Variants in PLCG2 observed in about 807,000 individuals in gnomAD.
The protein encoded by PLCG2 is 1-phosphatidylinositol 4,5-bisphosphate phosphodiesterase gamma-2.
A neutral mutation model predicts 175.6 loss-of-function variants in PLCG2; 69 were observed. The observed-to-expected ratio is 0.39, with a 90% CI of 0.32 to 0.48. PLCG2 has a LOEUF of 0.48. Among genes scored for constraint, PLCG2 ranks in the 20% least tolerant of loss-of-function variants. The pLI is 0.91. For missense variants in PLCG2, 1,798 were observed against 1,650.9 expected, an observed-to-expected ratio of 1.09 and a Z score of -1.54; for synonymous variants, 827 against 624.0, an observed-to-expected ratio of 1.33 and a Z score of -4.85.
intron 2 of PLCG2, among the ~76,000 whole-genome samples, chr16:81,772,752 T>TGA (rs528704707): frequency 1.3e-5 from 2 of 151,756 alleles, no homozygotes; most frequent in African/African-American, 4.8e-5. Flanking sequence ...GAGGTTGCAG[T>TGA]GAGCCAAGAT....
intron 13 of PLCG2, among the ~76,000 whole-genome samples, chr16:81,897,548 C>CTTTTTTTTTTTTTTTTTTTTTTCT (rs10710027): frequency 7.8e-6 from 1 of 128,678 alleles, no homozygotes; most frequent in Admixed American, 8.3e-5. Context: ...CTTTTCTTTT[C>CTTTTTTTTTTTTTTTTTTTTTTCT]TTTTTTTTTT....
At chr16:81,783,607 T>G (rs1345711479) in intron 1 of PLCG2, among the ~76,000 whole-genome samples, 1 of 152,220 alleles carries the variant, frequency 6.6e-6, no homozygotes, top group Non-Finnish European at 1.5e-5. Flanking sequence ...TAATGTGACC[T>G]CTTGGGATTT....
At chr16:81,762,548 A>T (rs1487293567) in intron 2 of PLCG2, among the ~76,000 whole-genome samples, 1 of 152,042 alleles carries the variant, frequency 6.6e-6, no homozygotes, top group African/African-American at 2.4e-5. Context: ...CAGCCTGGGC[A>T]ATAGAGTGAG....
At chr16:81,945,259 C>T (rs1911105990) in intron 30 of PLCG2, among the ~76,000 whole-genome samples, 1 of 152,178 alleles carries the variant, frequency 6.6e-6, no homozygotes. Flanking sequence ...ACAGAGGAAA[C>T]AGTGGGAGTG....
At chr16:81,863,904 C>T (rs1404400083) in intron 5 of PLCG2, among the ~76,000 whole-genome samples, 1 of 152,162 alleles carries the variant, frequency 6.6e-6, no homozygotes, top group Non-Finnish European at 1.5e-5. Context: ...CCATTTATCT[C>T]ATTCAGCGTG....
chr16:81,749,624 A>G (rs926537925), intron 1 of PLCG2, among the ~76,000 whole-genome samples: 8 of 152,210 alleles, frequency 5.3e-5, no homozygotes, highest in African/African-American at 1.7e-4. Context: ...AAACTGCTGG[A>G]ATGACAGGCG....
intron 7 of PLCG2, among the ~76,000 whole-genome samples, chr16:81,875,016 T>C (rs1163805735): frequency 7.2e-6 from 1 of 139,548 alleles, no homozygotes; most frequent in East Asian, 2.2e-4. Context: ...CAGGCTGGAG[T>C]GCAATGGCAC....
At chr16:81,772,582 G>A (rs1051207878) in intron 2 of PLCG2, among the ~76,000 whole-genome samples, 7 of 151,836 alleles carry the variant, frequency 4.6e-5, no homozygotes, top group Non-Finnish European at 1.0e-4. Context: ...GGCCGAGGTG[G>A]GTGGATCACC....
At chr16:81,818,496 T>G in intron 2 of PLCG2, among the ~76,000 whole-genome samples, 1 of 152,072 alleles carries the variant, frequency 6.6e-6, no homozygotes, top group East Asian at 1.9e-4. Flanking sequence ...ATGCCATTCT[T>G]CCTCTGCTTG....
intron 5 of PLCG2, among the ~76,000 whole-genome samples, chr16:81,864,689 A>C (rs1907142759): frequency 1.3e-5 from 2 of 152,186 alleles, no homozygotes; most frequent in Non-Finnish European, 2.9e-5. Flanking sequence ...TCTTATTGCC[A>C]TTGTTGCTAC....
At chr16:81,912,844 A>G (rs962472248) in intron 19 of PLCG2, 128 bp downstream of exon 19, 2 of 1,173,194 alleles carry the variant, frequency 1.7e-6, no homozygotes, top group Non-Finnish European at 2.3e-6. Context: ...CAGCGACAAC[A>G]ACAACCACCA....
At chr16:81,790,940 G>C (rs983636380) in intron 2 of PLCG2, among the ~76,000 whole-genome samples, 4 of 152,146 alleles carry the variant, frequency 2.6e-5, no homozygotes, top group East Asian at 3.8e-4. Flanking sequence ...TCCAGCAAAC[G>C]TGTCAGTGGT....
chr16:81,906,202 A>G (rs1469658870), intron 15 of PLCG2: 3 of 152,106 alleles, frequency 2.0e-5, no homozygotes, highest in Non-Finnish European at 4.4e-5. Context: ...CACTCAGGCT[A>G]TTTTCCTGTT....
At chr16:81,893,914 T>C (rs1446769657) in intron 12 of PLCG2, 120 bp downstream of exon 12, 2 of 618,298 alleles carry the variant, frequency 3.2e-6, no homozygotes, top group Non-Finnish European at 5.7e-6. Context: ...TAACTGTGCA[T>C]ATTTATGGAG....
At chr16:81,754,359 T>A (rs1371519023) in intron 1 of PLCG2, among the ~76,000 whole-genome samples, 8 of 23,492 alleles carry the variant, frequency 3.4e-4, no homozygotes, top group Non-Finnish European at 6.2e-4. Context: ...CCTCCTCCCC[T>A]CCCCTCCCCA....
intron 14 of PLCG2, among the ~76,000 whole-genome samples, chr16:81,904,835 C>T (rs1354818076): frequency 1.3e-5 from 2 of 152,122 alleles, no homozygotes; most frequent in Non-Finnish European, 2.9e-5. Context: ...AGGAATAAAG[C>T]AGGCTTGGGG....
chr16:81,800,746 C>G (rs1018903785), intron 2 of PLCG2, among the ~76,000 whole-genome samples: 5 of 151,912 alleles, frequency 3.3e-5, no homozygotes, highest in African/African-American at 1.2e-4. Flanking sequence ...CCCAAGATGC[C>G]CTTGTCTTAA....
At chr16:81,926,210 C>G (rs938977948) in intron 22 of PLCG2, among the ~76,000 whole-genome samples, 2 of 152,178 alleles carry the variant, frequency 1.3e-5, no homozygotes, top group African/African-American at 4.8e-5. Flanking sequence ...GAGGTGATGT[C>G]TGGGAGTCCT....
In PLCG2 at chr16:81,816,906, C is replaced by G. The variant is rs138059619; in HGVS notation, c.193+30724C>G. 5.5e-4 allele frequency among the ~76,000 whole-genome samples: 84 copies of G among 152,268 alleles called. 1 individual carries two copies. The highest frequency in any genetic ancestry group is 1.9e-3 in the African/African-American group (79 of 41,544). ...GAAAACACTCAGGCACCTGGGGCCA[C>G]ATCCGGTTCTGCCTCTTTCTAGCTG... On this transcript the variant is annotated intron_variant, in intron 2 of 32. Coordinates refer to ENST00000564138, the MANE Select transcript of PLCG2 (RefSeq NM_002661.5).
Sources: gnomAD v4.1 joint callset for allele counts (sites outside exome capture counted in the v4.1 genomes callset) on GRCh38, gnomAD v4.1.1 for gene constraint, MANE v1.5 for transcripts, NCBI Gene and HGNC (gene_info 2026-07-23, HGNC 2026-07-21) for gene names.